The following PDIA3 variants were observed in gnomAD, a reference collection of about 807,000 sequenced individuals.
PDIA3 encodes protein disulfide isomerase family A member 3, also known as protein disulfide-isomerase A3.
A neutral mutation model predicts 56.9 loss-of-function variants in PDIA3; 16 were observed. That is an observed-to-expected ratio of 0.28 (90% CI 0.19 to 0.43). The LOEUF (loss-of-function observed/expected upper bound fraction) is 0.43. Among genes scored for constraint, PDIA3 ranks in the 20% least tolerant of loss-of-function variants. The pLI is 1.00. For synonymous variants in PDIA3, 192 were observed against 216.5 expected (o/e 0.89, Z 0.99); for missense variants, 485 against 621.3 (o/e 0.78, Z 2.33).
At chr15:43,752,495 T>C (rs1443673399) in intron 1 of PDIA3, among the ~76,000 whole-genome samples, 3 of 152,202 alleles carry the variant, frequency 2.0e-5, no homozygotes, top group Admixed American at 6.5e-5. Context: ...GCATAAGGAA[T>C]AGCATTTGTT....
chr15:43,771,876 T>C lies in PDIA3; in HGVS notation c.*658T>C. 2.8e-6 allele frequency: 1 copy of C among 359,708 alleles called. No homozygotes were observed. Among genetic ancestry groups the C allele is most frequent in the Non-Finnish European group, 5.0e-6 (1 of 201,454 alleles). 22.3% of individuals were successfully genotyped at this position (359,708 alleles called of 1,614,324 possible). Reference sequence around the variant, plus strand: ...TAGAACAGCTGAAGGGCCTTTCTTGTTAGGCTGTCCATGCCCTAAGGATGG... The same window carrying C: ...TAGAACAGCTGAAGGGCCTTTCTTGCTAGGCTGTCCATGCCCTAAGGATGG... On this transcript the variant is annotated 3_prime_UTR_variant, in exon 13 of 13. Coordinates refer to ENST00000300289, the MANE Select transcript of PDIA3 (RefSeq NM_005313.5).
At chr15:43,749,083 T>G (rs1177649967) in intron 1 of PDIA3, among the ~76,000 whole-genome samples, 3 of 149,440 alleles carry the variant, frequency 2.0e-5, no homozygotes, top group Admixed American at 6.6e-5. Context: ...TTTTTTTGTT[T>G]TTGTTTTGTT....
chr15:43,754,374 CAG>C (rs1362755648), intron 2 of PDIA3, among the ~76,000 whole-genome samples: 29 of 122,096 alleles, frequency 2.4e-4, no homozygotes, highest in African/African-American at 9.3e-4. Context: ...AGCCTGGTGA[CAG>C]AGCAAGACTC....
At chr15:43,765,332 A>C (rs1385817892) in intron 5 of PDIA3, 118 bp from the exon 6 acceptor site, 1 of 707,784 alleles carries the variant, frequency 1.4e-6, no homozygotes, top group Non-Finnish European at 2.5e-6. Flanking sequence ...AGTGAGCTAT[A>C]ATCACACCAT....
At chr15:43,764,550 CT>C (rs1289622088) in intron 5 of PDIA3, among the ~76,000 whole-genome samples, 1 of 152,118 alleles carries the variant, frequency 6.6e-6, no homozygotes, top group Non-Finnish European at 1.5e-5. Flanking sequence ...TCACTACAAC[CT>C]CCGCCTCCTG....
Position 43,765,687 on chromosome 15 carries a change from A to C in PDIA3, c.719+121A>C, listed in dbSNP as rs1365653373. ...TCTATTTGGGGGGATTGTAATAGTAATAGTTTGAGTTTATATTAAAGCAGT... is the reference window on the plus strand; with the variant it reads ...TCTATTTGGGGGGATTGTAATAGTACTAGTTTGAGTTTATATTAAAGCAGT... On this transcript the variant is annotated intron_variant, in intron 6 of 12. Transcript: ENST00000300289. The C allele has an allele frequency of 1.0e-5, 9 of 860,464 alleles. No homozygotes were observed. The African/African-American group carries it at 1.5e-4, about 15-fold the overall frequency. 53.3% of individuals were successfully genotyped at this position (860,464 alleles called of 1,614,324 possible). A position where few individuals can be genotyped will look rare whatever the true frequency, so the allele number is the denominator to read the frequency against.
At chr15:43,748,858 T>A (rs1448984172) in intron 1 of PDIA3, among the ~76,000 whole-genome samples, 3 of 151,676 alleles carry the variant, frequency 2.0e-5, no homozygotes, top group Admixed American at 6.6e-5. Flanking sequence ...AACCTCCGCC[T>A]CTTGGGTTCA....
rs1229723884 is a variant in PDIA3 at position 43,771,791 on chromosome 15, T to A, written c.*573T>A. The A allele has an allele frequency of 2.5e-6, 1 of 397,078 alleles. No homozygotes were observed. The highest frequency in any genetic ancestry group is 3.6e-5 in the East Asian group (1 of 28,058). The allele number at this position is 397,078 out of a possible 1,614,324, so 24.6% of individuals were successfully genotyped here. A position where few individuals can be genotyped will look rare whatever the true frequency, so the allele number is the denominator to read the frequency against. On this transcript the variant is annotated 3_prime_UTR_variant, in exon 13 of 13. Coordinates refer to ENST00000300289, the MANE Select transcript of PDIA3 (RefSeq NM_005313.5). ...CATAGTTCATCACCTCAAAATTCTTTCAAAATTTATTATCTCTTTCTCTCC... is the reference window on the plus strand; with the variant it reads ...CATAGTTCATCACCTCAAAATTCTTACAAAATTTATTATCTCTTTCTCTCC...
chr15:43,762,652 T>C (rs1041485312), intron 4 of PDIA3, among the ~76,000 whole-genome samples: 2 of 152,350 alleles, frequency 1.3e-5, no homozygotes, highest in Middle Eastern at 3.4e-3. Flanking sequence ...ATTAAACATT[T>C]ATGTTTTAGT....
At chr15:43,765,294 T>A (rs1181653109) in intron 5 of PDIA3, among the ~76,000 whole-genome samples, 156 bp from the exon 6 acceptor site, 1 of 151,792 alleles carries the variant, frequency 6.6e-6, no homozygotes, top group Non-Finnish European at 1.5e-5. Context: ...GGTAGGAGGA[T>A]CACTTGAGCC....
intron 8 of PDIA3, 142 bp downstream of exon 8, chr15:43,767,052 A>T: frequency 2.5e-6 from 2 of 798,332 alleles, no homozygotes; most frequent in South Asian, 3.4e-5. Context: ...TTCTCAATTT[A>T]AATATAGGTA....
chr15:43,770,879 C>A (rs2086877541), intron 12 of PDIA3, among the ~76,000 whole-genome samples: 1 of 152,134 alleles, frequency 6.6e-6, no homozygotes, highest in Admixed American at 6.5e-5. Flanking sequence ...GAACTCCTAA[C>A]CTCAGGTGAT....
rs4080718 is a variant in PDIA3, at chr15:43,746,464, A to T, written c.-76A>T. 6 of 1,339,680 alleles carry T rather than the reference A, an allele frequency of 4.5e-6. No homozygotes were observed. Among genetic ancestry groups the T allele is most frequent in the East Asian group, 2.8e-5 (1 of 35,532 alleles). The allele number at this position is 1,339,680 out of a possible 1,614,324, so 83.0% of individuals were successfully genotyped here. A position where few individuals can be genotyped will look rare whatever the true frequency, so the allele number is the denominator to read the frequency against. ...GACGCGCGAGCGCAAGCAGCGGGTT[A>T]GTGGTCGCGCGCCCGACCTCCGCAG... On this transcript the variant is annotated 5_prime_UTR_variant, in exon 1 of 13. Transcript: ENST00000300289.
chr15:43,769,505 CTG>C lies in PDIA3; in HGVS notation c.1138-9_1138-8del, dbSNP rs2086868587. 1.2e-6 allele frequency: 2 copies of C among 1,611,396 alleles called. No homozygotes were observed. Among genetic ancestry groups the C allele is most frequent in the Non-Finnish European group, 1.7e-6 (2 of 1,177,748 alleles). ...TTTATGTTACCAACTAGAGATTCTTCTGTGTTTTCCAGGTAGTGGTAGCAGAG... is the reference window on the plus strand; with the variant it reads ...TTTATGTTACCAACTAGAGATTCTTCTGTTTTCCAGGTAGTGGTAGCAGAG... On this transcript the variant is annotated splice_polypyrimidine_tract_variant and intron_variant, in intron 9 of 12. Transcript: ENST00000300289.
chr15:43,746,913 G>A, intron 1 of PDIA3: 1 of 593,216 alleles, frequency 1.7e-6, no homozygotes, highest in South Asian at 2.0e-5. Flanking sequence ...AAACCCGAAG[G>A]CTGCGCTCAC....
chr15:43,751,249 T>C (rs2086742463), intron 1 of PDIA3, among the ~76,000 whole-genome samples: 1 of 151,904 alleles, frequency 6.6e-6, no homozygotes, highest in African/African-American at 2.4e-5. Flanking sequence ...CCTGGACAAC[T>C]AACTGGTTGA....
At chr15:43,760,104 A>C (rs1205962314) in intron 3 of PDIA3, among the ~76,000 whole-genome samples, 1 of 151,954 alleles carries the variant, frequency 6.6e-6, no homozygotes, top group African/African-American at 2.4e-5. Flanking sequence ...TCAAACAAAC[A>C]AAAAAATGGT....
At chr15:43,762,509 C>G (rs1486814828) in intron 4 of PDIA3, among the ~76,000 whole-genome samples, 3 of 133,840 alleles carry the variant, frequency 2.2e-5, no homozygotes, top group Non-Finnish European at 4.7e-5. Context: ...AAAACTCTGT[C>G]GCAAAAAAAA....
At position 43,771,414 on chromosome 15, in the gene PDIA3, A is replaced by C. The variant is rs565445293; in HGVS notation, c.*196A>C. The C allele has an allele frequency of 2.5e-6, 1 of 404,622 alleles. No homozygotes were observed. Among genetic ancestry groups the C allele is most frequent in the Admixed American group, 4.5e-5 (1 of 22,454 alleles). 25.1% of individuals were successfully genotyped at this position (404,622 alleles called of 1,614,324 possible). A position where few individuals can be genotyped will look rare whatever the true frequency, so the allele number is the denominator to read the frequency against. On this transcript the variant is annotated 3_prime_UTR_variant, in exon 13 of 13. Transcript: ENST00000300289. ...TTTATGGAAATACCAGGACCAGTTT[A>C]TGTTTGTGGTTTTGGGAAAAATTAT...
Sources: allele counts gnomAD v4.1 joint callset (sites outside exome capture counted in the v4.1 genomes callset), GRCh38; gene constraint gnomAD v4.1.1; transcripts MANE v1.5; gene names NCBI Gene and HGNC (gene_info 2026-07-23, HGNC 2026-07-21).